FAM171A1: variants seen among roughly 807,000 people sequenced by gnomAD.
FAM171A1 encodes the protein family with sequence similarity 171 member A1, also known as protein FAM171A1.
A neutral mutation model predicts 74.9 loss-of-function variants in FAM171A1; 23 were observed. That is an observed-to-expected ratio of 0.31 (90% confidence interval 0.22 to 0.44). The LOEUF is 0.44. Among genes scored for constraint, FAM171A1 ranks in the 20% least tolerant of loss-of-function variants. The pLI, the probability that FAM171A1 is intolerant of heterozygous loss-of-function variation, is 1.00. For synonymous variants in FAM171A1, 527 were observed against 505.7 expected, an observed-to-expected ratio of 1.04 and a Z score of -0.57; for missense variants, 1,162 against 1,159.2, an observed-to-expected ratio of 1.00 and a Z score of -0.03.
chr10:15,333,208 T>C (rs1835661513), intron 1 of FAM171A1, among the ~76,000 whole-genome samples: 1 of 152,212 alleles, frequency 6.6e-6, no homozygotes, highest in Non-Finnish European at 1.5e-5. Context: ...AAAAACTCTT[T>C]CTGGGCTGGG....
At chr10:15,298,617 A>G (rs1298407395) in intron 1 of FAM171A1, among the ~76,000 whole-genome samples, 2 of 152,256 alleles carry the variant, frequency 1.3e-5, no homozygotes, top group African/African-American at 4.8e-5. Context: ...ACGATGCTAC[A>G]TATGGCTCCA....
chr10:15,255,591 C>G (rs765343774), intron 3 of FAM171A1, among the ~76,000 whole-genome samples: 1 of 152,052 alleles, frequency 6.6e-6, no homozygotes, highest in Non-Finnish European at 1.5e-5. Context: ...AGGCCCTAGA[C>G]AGTTGGTTGT....
chr10:15,225,914 C>G (rs757776537), intron 5 of FAM171A1, among the ~76,000 whole-genome samples: 2 of 152,214 alleles, frequency 1.3e-5, no homozygotes, highest in Non-Finnish European at 2.9e-5. Context: ...TTAAGCCTGT[C>G]TCCTTGGGGT....
intron 1 of FAM171A1, among the ~76,000 whole-genome samples, chr10:15,348,103 G>A (rs976781453): frequency 2.0e-5 from 3 of 151,334 alleles, no homozygotes; most frequent in East Asian, 3.9e-4. Flanking sequence ...TCAGCCTCCC[G>A]AGTAGCTGGG....
chr10:15,319,599 A>C (rs771409918), intron 1 of FAM171A1, among the ~76,000 whole-genome samples: 3 of 152,058 alleles, frequency 2.0e-5, no homozygotes, highest in Non-Finnish European at 2.9e-5. Context: ...CAGCCAGCTA[A>C]TTTTTGTCTA....
At chr10:15,312,673 G>GGT (rs1835374892) in intron 1 of FAM171A1, among the ~76,000 whole-genome samples, 2 of 36,382 alleles carry the variant, frequency 5.5e-5, no homozygotes, top group African/African-American at 2.3e-4. Context: ...AGCACTGTGT[G>GGT]TTTTTTTTTT....
chr10:15,262,792 AGAG>A (rs201234069), intron 3 of FAM171A1, among the ~76,000 whole-genome samples: 1,734 of 152,340 alleles, frequency 0.011, 40 homozygotes, highest in African/African-American at 0.04. Flanking sequence ...GGGAGGTGTG[AGAG>A]GAGGTGATAA....
chr10:15,334,158 C>T (rs1452693461), intron 1 of FAM171A1, among the ~76,000 whole-genome samples: 1 of 152,244 alleles, frequency 6.6e-6, no homozygotes, highest in Non-Finnish European at 1.5e-5. Context: ...CTTCTCTTTA[C>T]ATATCCCCTT....
At chr10:15,224,929 A>G (rs758998730) in intron 5 of FAM171A1, among the ~76,000 whole-genome samples, 9 of 152,186 alleles carry the variant, frequency 5.9e-5, no homozygotes, top group Non-Finnish European at 1.0e-4. Flanking sequence ...ATGTAGCTCC[A>G]ACCTCATATA....
At chr10:15,300,350 C>T (rs776496279) in intron 1 of FAM171A1, among the ~76,000 whole-genome samples, 2 of 152,156 alleles carry the variant, frequency 1.3e-5, no homozygotes, top group African/African-American at 2.4e-5. Context: ...TAACCAGTCA[C>T]GTGGTCTTGG....
intron 1 of FAM171A1, among the ~76,000 whole-genome samples, chr10:15,342,912 C>T (rs778509913): frequency 1.5e-4 from 23 of 152,188 alleles, no homozygotes; most frequent in Non-Finnish European, 3.1e-4. Flanking sequence ...GGAGTCATGG[C>T]CCAGGGTGAA....
intron 2 of FAM171A1, among the ~76,000 whole-genome samples, chr10:15,276,783 C>G (rs1834900439): frequency 6.6e-6 from 1 of 152,164 alleles, no homozygotes; most frequent in Non-Finnish European, 1.5e-5. Flanking sequence ...CTCCCAGGCT[C>G]AAGTATCCCT....
chr10:15,213,281 G>A lies in FAM171A1; in HGVS notation c.2307C>T (p.Val769=). The A allele has an allele frequency of 6.2e-7, 1 of 1,614,068 alleles. No individual in the cohort carries two copies. The highest frequency in any genetic ancestry group is 8.5e-7 in the Non-Finnish European group (1 of 1,180,030). ...ALSLQQNYPP[V]QEHQQKEPRA... is the part of the protein sequence containing the mutation. ...GAGGCTCTTTCTGCTGGTGCTCTTG[G>A]ACGGGCGGGTAGTTCTGCTGCAGAG... is the stretch of plus-strand genomic sequence containing the variant. The change falls in exon 8 of 8, where the codon GTC becomes GTT. Residue 769 remains valine (V), a synonymous_variant. Coordinates refer to ENST00000378116, the MANE Select transcript of FAM171A1 (RefSeq NM_001010924.2). This position sits in a 1 kb window ranked among gnomAD's most constrained non-coding sequence, Gnocchi z 6.8.
chr10:15,333,529 C>T (rs534226459), intron 1 of FAM171A1, among the ~76,000 whole-genome samples: 3 of 149,482 alleles, frequency 2.0e-5, no homozygotes, highest in Admixed American at 1.3e-4. Flanking sequence ...AACCAATCAA[C>T]CAAAAACAAC....
chr10:15,339,915 A>C (rs1835746822), intron 1 of FAM171A1, among the ~76,000 whole-genome samples: 1 of 152,188 alleles, frequency 6.6e-6, no homozygotes, highest in Non-Finnish European at 1.5e-5. Context: ...AGAGAATGAG[A>C]GCTGAGCAAA....
At chr10:15,270,166 G>A (rs540591529) in intron 3 of FAM171A1, among the ~76,000 whole-genome samples, 6 of 152,294 alleles carry the variant, frequency 3.9e-5, no homozygotes, top group African/African-American at 1.4e-4. Flanking sequence ...GGAAAATCGG[G>A]ACACTCCCAC....
intron 1 of FAM171A1, among the ~76,000 whole-genome samples, chr10:15,359,957 C>A (rs1041329157): frequency 6.6e-6 from 1 of 152,120 alleles, no homozygotes; most frequent in African/African-American, 2.4e-5. Flanking sequence ...TGTTTTGAGA[C>A]AGGGTCTTGT....
At chr10:15,367,981 A>G (rs374880636) in intron 1 of FAM171A1, among the ~76,000 whole-genome samples, 48 of 152,342 alleles carry the variant, frequency 3.2e-4, no homozygotes, top group African/African-American at 1.1e-3. Context: ...TCTCTATTGA[A>G]CCCAGCCTCA....
chr10:15,367,598 T>A (rs539050123), intron 1 of FAM171A1, among the ~76,000 whole-genome samples: 5 of 152,352 alleles, frequency 3.3e-5, no homozygotes, highest in Middle Eastern at 3.4e-3. Context: ...ATACCTTACA[T>A]GGCTTCGTGG....
Sources: gnomAD v4.1 joint callset for allele counts (sites outside exome capture counted in the v4.1 genomes callset) on GRCh38, gnomAD v4.1.1 for gene constraint, Gnocchi (gnomAD v3.1) non-coding constraint, MANE v1.5 for transcripts, NCBI Gene and HGNC (gene_info 2026-07-23, HGNC 2026-07-21) for gene names.